PPARA: variants seen among roughly 807,000 people sequenced by gnomAD.
PPARA encodes peroxisome proliferator activated receptor alpha.
A neutral mutation model predicts 42.2 loss-of-function variants in PPARA; 22 were observed. The observed-to-expected ratio is 0.52, with a 90% CI of 0.37 to 0.74. The LOEUF (loss-of-function observed/expected upper bound fraction) is 0.74, where lower values mean the gene tolerates loss of function less well. Ranked by LOEUF, PPARA falls within the 30% of genes least tolerant of loss-of-function variation. The pLI is 0.00. For synonymous variants in PPARA, 242 were observed against 239.3 expected, an observed-to-expected ratio of 1.01 and a Z score of -0.10; for missense variants, 465 against 608.2, an observed-to-expected ratio of 0.76 and a Z score of 2.48.
intron 3 of PPARA, among the ~76,000 whole-genome samples, chr22:46,197,058 GT>G (rs1052679032): frequency 1.3e-5 from 2 of 148,620 alleles, no homozygotes; most frequent in Non-Finnish European, 1.5e-5. Flanking sequence ...TTTGGTTTTG[GT>G]TTTTTTTTGA....
chr22:46,180,974 A>G lies in PPARA; in HGVS notation c.-43+4138A>G, dbSNP rs779807794. On this transcript the variant is annotated intron_variant, in intron 3 of 8. Coordinates refer to ENST00000407236, the MANE Select transcript of PPARA (RefSeq NM_005036.6). This position sits in a 1 kb window ranked among gnomAD's most constrained non-coding sequence, Gnocchi z 4.2. Reference sequence around the variant, plus strand: ...CTTCCTAGACAGCACAACGGAACCTATAAAGGGGTTGCAGGACGGTTCCAG... The same window carrying G: ...CTTCCTAGACAGCACAACGGAACCTGTAAAGGGGTTGCAGGACGGTTCCAG... 7.9e-5 allele frequency among the ~76,000 whole-genome samples: 12 copies of G among 152,124 alleles called. No homozygotes were observed. Among genetic ancestry groups the G allele is most frequent in the East Asian group, 1.9e-4 (1 of 5,182 alleles).
intron 2 of PPARA, among the ~76,000 whole-genome samples, chr22:46,153,461 G>A (rs924046333): frequency 2.6e-5 from 4 of 152,056 alleles, no homozygotes; most frequent in Non-Finnish European, 5.9e-5. Flanking sequence ...GAGCCACCGC[G>A]CCGGGCCCTT....
At chr22:46,228,421 A>G (rs1300796571) in intron 7 of PPARA, among the ~76,000 whole-genome samples, 1 of 152,208 alleles carries the variant, frequency 6.6e-6, no homozygotes, top group African/African-American at 2.4e-5. Context: ...CTGTAATCCC[A>G]GCTACTCAGG....
rs1433283381 is a variant in PPARA at position 46,195,332 on chromosome 22, T to C, written c.-42-3010T>C. 6.6e-6 allele frequency among the ~76,000 whole-genome samples: 1 copy of C among 152,122 alleles called. No homozygotes were observed. The highest frequency in any genetic ancestry group is 1.5e-5 in the Non-Finnish European group (1 of 68,028). ...GCTTACCCCATTATGTTTCTTGTCATTTGAAAAAAAATCTCCCTTCAGACA... is the reference window on the plus strand; with the variant it reads ...GCTTACCCCATTATGTTTCTTGTCACTTGAAAAAAAATCTCCCTTCAGACA... On this transcript the variant is annotated intron_variant, in intron 3 of 8. Transcript: ENST00000407236. The surrounding 1 kb of genome is among the most constrained non-coding windows in gnomAD (Gnocchi z 4.6).
intron 2 of PPARA, among the ~76,000 whole-genome samples, chr22:46,174,254 G>GAAGC (rs1414435615): frequency 6.8e-6 from 1 of 147,182 alleles, no homozygotes; most frequent in Non-Finnish European, 1.5e-5. Context: ...AAGAAAGAAG[G>GAAGC]AAGGAAGGAA....
rs1936274010 is a variant in PPARA, at chr22:46,238,202, G to A, written c.*2822G>A. On this transcript the variant is annotated 3_prime_UTR_variant, in exon 9 of 9. Transcript: ENST00000407236. The surrounding 1 kb of genome is among the most constrained non-coding windows in gnomAD (Gnocchi z 8.3). ...TCAGGCTGAAAGTCACTCGACATTGGTCTCTTGTGTTGATAGGGAAGGAAA... is the reference window on the plus strand; with the variant it reads ...TCAGGCTGAAAGTCACTCGACATTGATCTCTTGTGTTGATAGGGAAGGAAA... 1 of 152,202 alleles carries A rather than the reference G, an allele frequency of 6.6e-6. No homozygotes were observed. Among genetic ancestry groups the A allele is most frequent in the East Asian group, 1.9e-4 (1 of 5,196 alleles). 9.4% of individuals were successfully genotyped at this position (152,202 alleles called of 1,614,324 possible). A position where few individuals can be genotyped will look rare whatever the true frequency, so the allele number is the denominator to read the frequency against.
chr22:46,208,427 A>G (rs1303694730), intron 4 of PPARA, among the ~76,000 whole-genome samples: 1 of 151,970 alleles, frequency 6.6e-6, no homozygotes, highest in African/African-American at 2.4e-5. Context: ...ACACGCCTAT[A>G]GTCCTAGCTA....
chr22:46,240,418 A>G lies in PPARA; in HGVS notation c.*5038A>G, dbSNP rs907409824. ...CACCTGGTGAGTGCAAGGATAGGTG[A>G]CCCAGGGGCCTGCAGCCTTGTCCTC... On this transcript the variant is annotated 3_prime_UTR_variant, in exon 9 of 9. Coordinates refer to ENST00000407236, the MANE Select transcript of PPARA (RefSeq NM_005036.6). This position sits in a 1 kb window ranked among gnomAD's most constrained non-coding sequence, Gnocchi z 6.0. 2.3e-5 allele frequency: 9 copies of G among 395,782 alleles called. No individual in the cohort carries two copies. In the Admixed American group the frequency reaches 3.5e-4, roughly 16 times the overall value. 24.5% of individuals were successfully genotyped at this position (395,782 alleles called of 1,614,324 possible). A position where few individuals can be genotyped will look rare whatever the true frequency, so the allele number is the denominator to read the frequency against.
Position 46,182,607 on chromosome 22 carries a change from G to T in PPARA, c.-43+5771G>T, listed in dbSNP as rs142475032. Among the ~76,000 whole-genome samples, 10 of 152,294 alleles carry T rather than the reference G, an allele frequency of 6.6e-5. No homozygotes were observed. The East Asian group carries it at 1.9e-3, about 29-fold the overall frequency. ...CACAGGAGAGCTTTGAGGATGATGG[G>T]TCTGCGTACTGTCTCGGCTATGATA... On this transcript the variant is annotated intron_variant, in intron 3 of 8. Coordinates refer to ENST00000407236, the MANE Select transcript of PPARA (RefSeq NM_005036.6). This position sits in a 1 kb window ranked among gnomAD's most constrained non-coding sequence, Gnocchi z 5.2.
intron 4 of PPARA, among the ~76,000 whole-genome samples, chr22:46,207,161 T>C (rs1466370267): frequency 6.6e-6 from 1 of 151,030 alleles, no homozygotes; most frequent in Non-Finnish European, 1.5e-5. Context: ...AGGCAGAGGT[T>C]GCAGTGAGCC....
Position 46,211,446 on chromosome 22 carries a change from C to T in PPARA, c.209-3727C>T. Reference sequence around the variant, plus strand: ...TTTAGTCTTACAGATTCCAATCATTCCAAATTATTCGGTGCAGCGCCTTTC... The same window carrying T: ...TTTAGTCTTACAGATTCCAATCATTTCAAATTATTCGGTGCAGCGCCTTTC... On this transcript the variant is annotated intron_variant, in intron 4 of 8. Coordinates refer to ENST00000407236, the MANE Select transcript of PPARA (RefSeq NM_005036.6). This position sits in a 1 kb window ranked among gnomAD's most constrained non-coding sequence, Gnocchi z 4.1. Among the ~76,000 whole-genome samples, 1 of 152,202 alleles carries T rather than the reference C, an allele frequency of 6.6e-6. No homozygotes were observed. The highest frequency in any genetic ancestry group is 1.9e-4 in the East Asian group (1 of 5,194).
chr22:46,235,014 G>A lies in PPARA; in HGVS notation c.1160-119G>A. The A allele has an allele frequency of 7.2e-7, 1 of 1,386,826 alleles. No individual in the cohort carries two copies. Among genetic ancestry groups the A allele is most frequent in the South Asian group, 1.2e-5 (1 of 84,192 alleles). The allele number at this position is 1,386,826 out of a possible 1,614,324, so 85.9% of individuals were successfully genotyped here. On this transcript the variant is annotated intron_variant, in intron 8 of 8. Coordinates refer to ENST00000407236, the MANE Select transcript of PPARA (RefSeq NM_005036.6). This position sits in a 1 kb window ranked among gnomAD's most constrained non-coding sequence, Gnocchi z 7.0. ...CCAGTCAAGTTGACAATATCTAAAG[G>A]CAGCTCAGTTTTTTTCTAAGAAAGG...
In PPARA at chr22:46,241,328, G is replaced by A. The variant is rs969898547; in HGVS notation, c.*5948G>A. The A allele has an allele frequency of 2.0e-5, 3 of 152,216 alleles. No homozygotes were observed. The highest frequency in any genetic ancestry group is 2.0e-4 in the Admixed American group (3 of 15,284). 9.4% of individuals were successfully genotyped at this position (152,216 alleles called of 1,614,324 possible). ...ATTTGGTCTGACTCAGAATATAGGA[G>A]ATCCATATATTTCTCTGGAAACCAC... On this transcript the variant is annotated 3_prime_UTR_variant, in exon 9 of 9. Transcript: ENST00000407236. This position sits in a 1 kb window ranked among gnomAD's most constrained non-coding sequence, Gnocchi z 5.7.
Position 46,231,368 on chromosome 22 carries a change from G to A in PPARA, c.712-424G>A, listed in dbSNP as rs933436611. Among the ~76,000 whole-genome samples, 3 of 151,980 alleles carry A rather than the reference G, an allele frequency of 2.0e-5. No homozygotes were observed. The highest frequency in any genetic ancestry group is 1.9e-4 in the East Asian group (1 of 5,192). On this transcript the variant is annotated intron_variant, in intron 7 of 8. Coordinates refer to ENST00000407236, the MANE Select transcript of PPARA (RefSeq NM_005036.6). The surrounding 1 kb of genome is among the most constrained non-coding windows in gnomAD (Gnocchi z 7.7). ...CGAGTAGCTGGGACTACAGGCGCCC[G>A]CCACCACACCCAGCTAATTTTTTTG...
intron 2 of PPARA, chr22:46,154,879 GTTC>G (rs1023843245): frequency 6.7e-6 from 1 of 149,154 alleles, no homozygotes; most frequent in Admixed American, 6.8e-5. Context: ...TTGCTATGTT[GTTC>G]AGACCTGTCT....
intron 5 of PPARA, among the ~76,000 whole-genome samples, chr22:46,217,819 CTTTTTTTTTTT>C (rs60894989): frequency 5.8e-4 from 45 of 77,058 alleles, no homozygotes; most frequent in Non-Finnish European, 6.0e-4. Context: ...CTATTTCTTT[CTTTTTTTTTTT>C]TTTTTTTTTT....
chr22:46,198,266 A>G lies in PPARA; in HGVS notation c.-42-76A>G, dbSNP rs4253707. 6.4e-3 allele frequency: 3,708 copies of G among 582,768 alleles called. 134 individuals are homozygous for G. The African/African-American group carries it at 0.066, about 10-fold the overall frequency. 36.1% of individuals were successfully genotyped at this position (582,768 alleles called of 1,614,324 possible). Reference sequence around the variant, plus strand: ...AAAAAAAAAAAAAGAATAAATAAATAAATAATAAAAAATAAAAACAAACAA... The same window carrying G: ...AAAAAAAAAAAAAGAATAAATAAATGAATAATAAAAAATAAAAACAAACAA... On this transcript the variant is annotated intron_variant, in intron 3 of 8. Coordinates refer to ENST00000407236, the MANE Select transcript of PPARA (RefSeq NM_005036.6).
chr22:46,209,780 T>A (rs1304218418), intron 4 of PPARA, among the ~76,000 whole-genome samples: 1 of 152,154 alleles, frequency 6.6e-6, no homozygotes, highest in East Asian at 1.9e-4. Context: ...GGGTCTCACT[T>A]TGTTACTCAG....
chr22:46,194,893 C>CTT (rs1161037504), intron 3 of PPARA, among the ~76,000 whole-genome samples: 10 of 116,050 alleles, frequency 8.6e-5, no homozygotes, highest in South Asian at 3.0e-4. Context: ...TGTTTTCTTT[C>CTT]TTTTTTTTTT....
Sources: gnomAD v4.1 joint callset for allele counts (sites outside exome capture counted in the v4.1 genomes callset) on GRCh38, gnomAD v4.1.1 for gene constraint, Gnocchi (gnomAD v3.1) non-coding constraint, MANE v1.5 for transcripts, NCBI Gene and HGNC (gene_info 2026-07-23, HGNC 2026-07-21) for gene names.